CRIM1: variants seen among roughly 807,000 people sequenced by gnomAD.
The protein encoded by CRIM1 is cysteine rich transmembrane BMP regulator 1.
In CRIM1, 32 loss-of-function variants were observed where a neutral mutation model predicts 116.4. The ratio of observed to expected loss-of-function variants is 0.27; its 90% CI spans 0.21 to 0.37. The LOEUF is 0.37. CRIM1 is among the 10% of genes least tolerant of loss of function. The pLI is 1.00. For synonymous variants in CRIM1, 590 were observed against 509.2 expected (o/e 1.16, Z -2.13); for missense variants, 1,331 against 1,354.8 (o/e 0.98, Z 0.28).
At chr2:36,527,072 T>A (rs767330321) in intron 13 of CRIM1, among the ~76,000 whole-genome samples, 52 of 152,194 alleles carry the variant, frequency 3.4e-4, no homozygotes, top group Admixed American at 3.9e-4. Flanking sequence ...TTTAAAGTCA[T>A]TTGTTGGCTA....
At chr2:36,482,924 T>C (rs1679529323) in intron 7 of CRIM1, among the ~76,000 whole-genome samples, 1 of 152,210 alleles carries the variant, frequency 6.6e-6, no homozygotes, top group Admixed American at 6.5e-5. Flanking sequence ...ATAATGTGTC[T>C]TTTGGTTACT....
intron 13 of CRIM1, among the ~76,000 whole-genome samples, chr2:36,532,507 T>C (rs1666185788): frequency 6.6e-6 from 1 of 152,188 alleles, no homozygotes; most frequent in Non-Finnish European, 1.5e-5. Flanking sequence ...CTGTGTGAGG[T>C]ATGATGCAGT....
intron 11 of CRIM1, among the ~76,000 whole-genome samples, chr2:36,515,095 CTT>C (rs1664951680): frequency 6.6e-6 from 1 of 152,160 alleles, no homozygotes; most frequent in Non-Finnish European, 1.5e-5. Context: ...TGTGTTGACT[CTT>C]TGGGGAGGGA....
At chr2:36,499,114 T>G in intron 7 of CRIM1, 105 bp from the exon 8 acceptor site, 1 of 817,372 alleles carries the variant, frequency 1.2e-6, no homozygotes, top group Non-Finnish European at 2.0e-6. Context: ...TGACAATTAC[T>G]GATTTGATTT....
At chr2:36,479,353 CT>C in intron 6 of CRIM1, 143 bp from the exon 7 acceptor site, 1 of 734,606 alleles carries the variant, frequency 1.4e-6, no homozygotes. Flanking sequence ...CCAGAGACTC[CT>C]CATGCAACCC....
chr2:36,475,751 C>T (rs138251524), intron 5 of CRIM1, among the ~76,000 whole-genome samples: 2 of 152,236 alleles, frequency 1.3e-5, no homozygotes, highest in Non-Finnish European at 2.9e-5. Context: ...GAGGAAGTTC[C>T]GTTCTATTCC....
intron 7 of CRIM1, among the ~76,000 whole-genome samples, chr2:36,498,045 G>C (rs1269252818): frequency 6.6e-6 from 1 of 152,186 alleles, no homozygotes; most frequent in African/African-American, 2.4e-5. Flanking sequence ...TTTTCCATCT[G>C]CGAAAATGTA....
At chr2:36,379,624 C>T (rs1300847700) in intron 1 of CRIM1, among the ~76,000 whole-genome samples, 1 of 152,002 alleles carries the variant, frequency 6.6e-6, no homozygotes, top group African/African-American at 2.4e-5. Flanking sequence ...CTAGTTAATT[C>T]CGGAAAACAT....
chr2:36,388,482 A>C (rs142144560), intron 1 of CRIM1, among the ~76,000 whole-genome samples: 15 of 152,332 alleles, frequency 9.8e-5, no homozygotes, highest in African/African-American at 3.1e-4. Flanking sequence ...AGAATCAAAC[A>C]CAAGGATAAA....
chr2:36,394,646 G>T (rs1029199620), intron 1 of CRIM1, among the ~76,000 whole-genome samples: 1 of 151,534 alleles, frequency 6.6e-6, no homozygotes, highest in Non-Finnish European at 1.5e-5. Context: ...TCTTATATAT[G>T]TATGTTGTTT....
chr2:36,390,775 A>G (rs1169045490), intron 1 of CRIM1, among the ~76,000 whole-genome samples: 2 of 152,042 alleles, frequency 1.3e-5, no homozygotes, highest in Admixed American at 1.3e-4. Context: ...TACTGGTAAG[A>G]CTTAACTGTG....
At chr2:36,439,268 C>T (rs1416872502) in intron 2 of CRIM1, among the ~76,000 whole-genome samples, 2 of 152,162 alleles carry the variant, frequency 1.3e-5, no homozygotes, top group African/African-American at 2.4e-5. Context: ...TAGTATTTGT[C>T]TTCCTCCATA....
intron 4 of CRIM1, among the ~76,000 whole-genome samples, chr2:36,449,582 TTGTC>T (rs990292338): frequency 9.2e-5 from 14 of 152,194 alleles, no homozygotes; most frequent in Non-Finnish European, 1.9e-4. Context: ...GGCTCTCACA[TTGTC>T]TGGCTCGGTT....
chr2:36,547,108 C>G lies in CRIM1; in HGVS notation c.2871C>G (p.Phe957Leu). The stretch of plus-strand genomic sequence containing the variant: ...TATGCCTCTCTATTATAATAGCATT[C>G]CTATTCATCAATCAGAAGAAACAGT... ...IIICLSIIIA[F>L]LFINQKKQWI... The change falls in exon 16 of 17, where the codon TTC (phenylalanine) becomes TTG (leucine). Residue 957 changes from phenylalanine (F) to leucine (L), a missense_variant. This residue lies in a region of CRIM1 where 283 missense variants were observed against 242.8 expected (regional missense o/e 1.17). Transcript: ENST00000280527. The G allele has an allele frequency of 1.2e-6, 2 of 1,612,780 alleles. No homozygotes were observed. The highest frequency in any genetic ancestry group is 1.1e-5 in the South Asian group (1 of 91,032).
intron 2 of CRIM1, among the ~76,000 whole-genome samples, chr2:36,415,907 T>TA (rs1031876678): frequency 2.0e-5 from 3 of 152,088 alleles, no homozygotes; most frequent in African/African-American, 7.2e-5. Context: ...TCTGATGATT[T>TA]AAAAAAATAA....
intron 8 of CRIM1, among the ~76,000 whole-genome samples, chr2:36,501,370 T>C (rs1680975241): frequency 6.6e-6 from 1 of 152,208 alleles, no homozygotes; most frequent in Non-Finnish European, 1.5e-5. Flanking sequence ...GCTTCCTCAG[T>C]TACATGTGAC....
At chr2:36,446,763 G>C (rs1676273368) in intron 4 of CRIM1, among the ~76,000 whole-genome samples, 1 of 152,162 alleles carries the variant, frequency 6.6e-6, no homozygotes, top group South Asian at 2.1e-4. Flanking sequence ...GGAGAGGGTG[G>C]AGAGGGATAA....
intron 14 of CRIM1, among the ~76,000 whole-genome samples, chr2:36,542,328 A>C (rs1667002034): frequency 1.3e-5 from 2 of 152,262 alleles, no homozygotes; most frequent in Non-Finnish European, 1.5e-5. Flanking sequence ...TCACTGAAGA[A>C]GACATCCTCC....
intron 7 of CRIM1, among the ~76,000 whole-genome samples, chr2:36,497,788 T>C (rs1466698538): frequency 1.3e-5 from 2 of 152,156 alleles, no homozygotes; most frequent in East Asian, 3.9e-4. Context: ...CTGTGAAGAG[T>C]TGAATCACTG....
Sources: gnomAD v4.1 joint callset for allele counts (sites outside exome capture counted in the v4.1 genomes callset) on GRCh38, gnomAD v4.1.1 for gene constraint, gnomAD v4.1.1 regional missense constraint, MANE v1.5 for transcripts, NCBI Gene and HGNC (gene_info 2026-07-23, HGNC 2026-07-21) for gene names.